The following SNX29 variants were observed in gnomAD, a reference collection of about 807,000 sequenced individuals.
SNX29 encodes sorting nexin 29.
Under a neutral mutation model 102.1 loss-of-function variants are expected in SNX29, and 78 were observed. The ratio of observed to expected loss-of-function variants is 0.76; its 90% CI spans 0.64 to 0.92. The LOEUF (loss-of-function observed/expected upper bound fraction) is 0.92, where lower values mean the gene tolerates loss of function less well. SNX29 is among the 40% of genes least tolerant of loss of function. The pLI, the probability that SNX29 is intolerant of heterozygous loss-of-function variation, is 0.00. For synonymous variants in SNX29, 580 were observed against 414.5 expected (o/e 1.40, Z -4.85); for missense variants, 1,280 against 1,061.7 (o/e 1.21, Z -2.86).
At chr16:12,492,348 A>G (rs2088593634) in intron 19 of SNX29, among the ~76,000 whole-genome samples, 4 of 152,154 alleles carry the variant, frequency 2.6e-5, no homozygotes, top group Admixed American at 2.6e-4. Context: ...GTGTCTGTTC[A>G]TATCCTTCGC....
intron 15 of SNX29, among the ~76,000 whole-genome samples, chr16:12,338,418 C>T (rs899911258): frequency 1.3e-4 from 20 of 152,142 alleles, no homozygotes; most frequent in Admixed American, 7.9e-4. Flanking sequence ...GCCTTCCCCC[C>T]GGGAGGTATT....
intron 19 of SNX29, among the ~76,000 whole-genome samples, chr16:12,483,696 A>T (rs2088086692): frequency 6.6e-6 from 1 of 152,150 alleles, no homozygotes; most frequent in Non-Finnish European, 1.5e-5. Flanking sequence ...TAAGCCAACA[A>T]GGGTATATCT....
intron 20 of SNX29, among the ~76,000 whole-genome samples, chr16:12,550,589 A>G (rs888017026): frequency 2.0e-5 from 3 of 152,086 alleles, no homozygotes; most frequent in Non-Finnish European, 4.4e-5. Flanking sequence ...ACCGGTGCAT[A>G]CATACGTGCT....
intron 20 of SNX29, among the ~76,000 whole-genome samples, chr16:12,542,407 C>G (rs964611500): frequency 6.6e-6 from 1 of 152,248 alleles, no homozygotes; most frequent in African/African-American, 2.4e-5. Flanking sequence ...ACAGTCTCCC[C>G]TCACTACAGC....
intron 18 of SNX29, among the ~76,000 whole-genome samples, chr16:12,406,750 A>G (rs1480604904): frequency 1.3e-5 from 2 of 152,192 alleles, no homozygotes; most frequent in Non-Finnish European, 2.9e-5. Flanking sequence ...TCTACTAAAA[A>G]TACAAAAATT....
At position 12,122,938 on chromosome 16, in the gene SNX29, C is replaced by G. The variant is rs74364606; in HGVS notation, c.1403-3695C>G. Among the ~76,000 whole-genome samples, 107 of 152,116 alleles carry G rather than the reference C, an allele frequency of 7.0e-4. 1 individual carries two copies. The East Asian group carries it at 0.017, about 24-fold the overall frequency. ...GCCTCCCAGGTTCAAGCAATTCTCC[C>G]GCCTCAGCCTCCCAAGTAGCTGGAA... is the stretch of plus-strand genomic sequence containing the variant. On this transcript the variant is annotated intron_variant, in intron 11 of 20. Coordinates refer to ENST00000566228, the MANE Select transcript of SNX29 (RefSeq NM_032167.5).
At chr16:12,564,471 A>C (rs568336487) in intron 20 of SNX29, among the ~76,000 whole-genome samples, 1 of 152,308 alleles carries the variant, frequency 6.6e-6, no homozygotes, top group South Asian at 2.1e-4. Flanking sequence ...GAGGTTATGG[A>C]TCTTTCTCCA....
intron 19 of SNX29, among the ~76,000 whole-genome samples, chr16:12,481,541 CA>C (rs1158082857): frequency 0.018 from 2,773 of 151,098 alleles, 45 homozygotes; most frequent in South Asian, 0.028. Flanking sequence ...CACACACACA[CA>C]CACACACACA....
At chr16:12,534,255 C>G (rs941193319) in intron 20 of SNX29, among the ~76,000 whole-genome samples, 4 of 152,206 alleles carry the variant, frequency 2.6e-5, no homozygotes, top group Non-Finnish European at 4.4e-5. Context: ...TGCTCAGTGC[C>G]CAAGCACCGC....
chr16:12,492,849 A>G (rs187436754), intron 19 of SNX29, among the ~76,000 whole-genome samples: 2 of 152,132 alleles, frequency 1.3e-5, no homozygotes, highest in Non-Finnish European at 2.9e-5. Context: ...GTAGATATGC[A>G]GCATTATTTC....
In SNX29 at chr16:12,569,637, GACA is replaced by G. The variant is rs1567227230; in HGVS notation, c.*1009_*1011del. 3.2e-3 allele frequency: 123 copies of G among 38,958 alleles called. No individual in the cohort carries two copies. The highest frequency in any genetic ancestry group is 0.011 in the Middle Eastern group (1 of 90). 2.4% of individuals were successfully genotyped at this position (38,958 alleles called of 1,614,324 possible). A position where few individuals can be genotyped will look rare whatever the true frequency, so the allele number is the denominator to read the frequency against. On this transcript the variant is annotated 3_prime_UTR_variant, in exon 21 of 21. Transcript: ENST00000566228. ...GATAACAGAACTCTGCATCCCCTAA[GACA>G]GAGTCCTCTGTTCCTCCCATGTCAG...
chr16:12,567,298 C>G (rs150723475), intron 20 of SNX29, among the ~76,000 whole-genome samples: 315 of 150,910 alleles, frequency 2.1e-3, no homozygotes, highest in African/African-American at 7.4e-3. Context: ...ATCCAGCAAG[C>G]CACAGCAGCA....
intron 14 of SNX29, among the ~76,000 whole-genome samples, chr16:12,237,739 C>G (rs774835129): frequency 1.8e-4 from 28 of 152,176 alleles, no homozygotes; most frequent in Middle Eastern, 3.4e-3. Flanking sequence ...AAACCCCCGT[C>G]TCTACTAAAA....
intron 13 of SNX29, among the ~76,000 whole-genome samples, chr16:12,143,472 C>G (rs1413229359): frequency 6.6e-6 from 1 of 152,134 alleles, no homozygotes; most frequent in African/African-American, 2.4e-5. Context: ...TAAGGCGGTG[C>G]TCGTCCTTAG....
In SNX29 at chr16:12,277,921, CT is replaced by C; in HGVS notation, c.1679-9del. On this transcript the variant is annotated splice_polypyrimidine_tract_variant and intron_variant, in intron 14 of 20. Coordinates refer to ENST00000566228, the MANE Select transcript of SNX29 (RefSeq NM_032167.5). The stretch of plus-strand genomic sequence containing the variant: ...GTTGAAATATTTATGACATGTCTCT[CT>C]TTCTCTAAAGTGCCAAATCTTTGGA... The C allele has an allele frequency of 6.3e-7, 1 of 1,595,084 alleles. No individual in the cohort carries two copies. Among genetic ancestry groups the C allele is most frequent in the Non-Finnish European group, 8.5e-7 (1 of 1,169,626 alleles).
At chr16:12,192,686 A>G (rs1300785867) in intron 13 of SNX29, among the ~76,000 whole-genome samples, 2 of 151,302 alleles carry the variant, frequency 1.3e-5, no homozygotes, top group Non-Finnish European at 3.0e-5. Flanking sequence ...TAATTTTTAA[A>G]TTAATTTTAT....
rs2050177803 is a variant in SNX29, at chr16:12,048,510, G to A, written c.638G>A (p.Gly213Glu). 3.1e-6 allele frequency: 5 copies of A among 1,613,922 alleles called. No individual in the cohort carries two copies. The East Asian group carries it at 1.1e-4, about 36-fold the overall frequency. The change falls in exon 7 of 21, where the codon GGA (glycine) becomes GAA (glutamate). Residue 213 changes from glycine (G) to glutamate (E), a missense_variant. Transcript: ENST00000566228. The stretch of plus-strand genomic sequence containing the variant: ...TCCTTGCTGAAGGAGTCCACGCAAG[G>A]AGTGAGCAGCCTGTTCAGGGAGATC... ...VTSLLKESTQGVSSLFREITA... is the reference protein window; with the variant it reads ...VTSLLKESTQEVSSLFREITA...
In SNX29 at chr16:12,433,985, C is replaced by G. The variant is rs147783973; in HGVS notation, c.2037+30456C>G. On this transcript the variant is annotated intron_variant, in intron 18 of 20. Transcript: ENST00000566228. ...CTGGCCAGAGTATCTGTCCCCTGCC[C>G]CCTGTTTTGAGGTCCTCACATGGGG... 7.0e-3 allele frequency among the ~76,000 whole-genome samples: 1,070 copies of G among 152,256 alleles called. 12 individuals are homozygous for G. The highest frequency in any genetic ancestry group is 0.025 in the African/African-American group (1,030 of 41,538).
intron 20 of SNX29, among the ~76,000 whole-genome samples, chr16:12,543,650 T>G (rs530632388): frequency 3.4e-4 from 51 of 151,882 alleles, no homozygotes; most frequent in African/African-American, 1.1e-3. Context: ...GCCGTCTGTC[T>G]CCAGACGCTC....
Sources: gnomAD v4.1 joint callset for allele counts (sites outside exome capture counted in the v4.1 genomes callset) on GRCh38, gnomAD v4.1.1 for gene constraint, MANE v1.5 for transcripts, NCBI Gene and HGNC (gene_info 2026-07-23, HGNC 2026-07-21) for gene names.